Variants in NSD3 observed in about 807,000 individuals in gnomAD.
NSD3 encodes the protein histone-lysine N-methyltransferase NSD3.
Under a neutral mutation model 160.8 loss-of-function variants are expected in NSD3, and 24 were observed. The ratio of observed to expected loss-of-function variants is 0.15; its 90% CI spans 0.11 to 0.21. The LOEUF (loss-of-function observed/expected upper bound fraction) is 0.21, where lower values mean the gene tolerates loss of function less well. NSD3 is among the 10% of genes least tolerant of loss of function. The pLI, the probability that NSD3 is intolerant of heterozygous loss-of-function variation, is 1.00. For synonymous variants in NSD3, 520 were observed against 600.0 expected (o/e 0.87, Z 1.95); for missense variants, 1,157 against 1,735.9 (o/e 0.67, Z 5.93).
intron 16 of NSD3, among the ~76,000 whole-genome samples, chr8:38,294,873 G>T (rs1467965775): frequency 6.6e-6 from 1 of 151,584 alleles, no homozygotes; most frequent in East Asian, 1.9e-4. Flanking sequence ...GCCGGGCGTG[G>T]TGGCTCACAC....
At position 38,329,547 on chromosome 8, in the gene NSD3, T is replaced by G; in HGVS notation, c.1412A>C (p.Lys471Thr). 1 of 1,614,250 alleles carries G rather than the reference T, an allele frequency of 6.2e-7. No individual in the cohort carries two copies. Among genetic ancestry groups the G allele is most frequent in the Non-Finnish European group, 8.5e-7 (1 of 1,180,050 alleles). The change falls in exon 6 of 24, where the codon AAA becomes ACA. Residue 471 changes from lysine to threonine, a missense_variant. By Grantham distance (78) the Lys-to-Thr change is moderately conservative. This residue lies in a region of NSD3 where 168 missense variants were observed against 208.1 expected (regional missense o/e 0.81). Transcript: ENST00000317025. The surrounding 1 kb of genome is among the most constrained non-coding windows in gnomAD (Gnocchi z 4.8). ...EEPPPVKIAW[K>T]TAAARKSLPA... ...TAAGGATTTCCTTGCTGCCGCAGTTTTCCAGGCTATTTTAACAGGCGGTGG... is the reference window on the plus strand; with the variant it reads ...TAAGGATTTCCTTGCTGCCGCAGTTGTCCAGGCTATTTTAACAGGCGGTGG...
chr8:38,316,961 C>T lies in NSD3; in HGVS notation c.1856-919G>A. 9.4e-7 allele frequency: 1 copy of T among 1,060,796 alleles called. No homozygotes were observed. Among genetic ancestry groups the T allele is most frequent in the Non-Finnish European group, 1.1e-6 (1 of 876,370 alleles). 65.7% of individuals were successfully genotyped at this position (1,060,796 alleles called of 1,614,324 possible). A position where few individuals can be genotyped will look rare whatever the true frequency, so the allele number is the denominator to read the frequency against. ...TCAGGCACGGTGAATACCAAGGAAC[C>T]AAGGAGACGGTTAATATTTCAACCC... On this transcript the variant is annotated intron_variant, in intron 9 of 23. Coordinates refer to ENST00000317025, the MANE Select transcript of NSD3 (RefSeq NM_023034.2). The surrounding 1 kb of genome is among the most constrained non-coding windows in gnomAD (Gnocchi z 4.5).
intron 7 of NSD3, among the ~76,000 whole-genome samples, chr8:38,322,743 G>T (rs1246983321): frequency 6.6e-6 from 1 of 152,190 alleles, no homozygotes; most frequent in Non-Finnish European, 1.5e-5. Flanking sequence ...TTGAAATCTA[G>T]TGTGAATACA....
chr8:38,336,627 G>A (rs979842904), intron 4 of NSD3, among the ~76,000 whole-genome samples: 13 of 152,078 alleles, frequency 8.5e-5, no homozygotes, highest in South Asian at 2.1e-4. Flanking sequence ...AAGGCTTGGC[G>A]CAAATGCTTA....
chr8:38,338,047 A>G (rs2150379076), intron 3 of NSD3, among the ~76,000 whole-genome samples: 1 of 152,308 alleles, frequency 6.6e-6, no homozygotes, highest in South Asian at 2.1e-4. Context: ...CACGCCTGTA[A>G]TCCCAGCACT....
intron 18 of NSD3, 140 bp downstream of exon 18, chr8:38,289,253 T>C: frequency 1.3e-6 from 1 of 762,496 alleles, no homozygotes; most frequent in Non-Finnish European, 2.1e-6. Flanking sequence ...TAGCAAAAGT[T>C]TGCACAAGTC....
chr8:38,312,489 T>G (rs945987237), intron 12 of NSD3, among the ~76,000 whole-genome samples: 1 of 152,202 alleles, frequency 6.6e-6, no homozygotes, highest in African/African-American at 2.4e-5. Context: ...CTTGATATAC[T>G]TTGGATATTT....
chr8:38,341,475 T>C (rs1398407810), intron 2 of NSD3, among the ~76,000 whole-genome samples: 1 of 151,028 alleles, frequency 6.6e-6, no homozygotes, highest in Non-Finnish European at 1.5e-5. Flanking sequence ...GAGGCAGAGG[T>C]TGCACTGAGC....
chr8:38,336,516 G>GA (rs890571408), intron 4 of NSD3, among the ~76,000 whole-genome samples: 6 of 151,854 alleles, frequency 4.0e-5, no homozygotes, highest in South Asian at 2.1e-4. Flanking sequence ...GAGTGTAGAG[G>GA]AAAAAAAAGC....
chr8:38,372,697 T>G (rs1288464272), intron 1 of NSD3, among the ~76,000 whole-genome samples: 1 of 150,222 alleles, frequency 6.7e-6, no homozygotes, highest in Non-Finnish European at 1.5e-5. Context: ...GGTTTCGCCA[T>G]GTTGGCCAGG....
chr8:38,359,105 C>G (rs748359182), intron 1 of NSD3, among the ~76,000 whole-genome samples: 69 of 152,108 alleles, frequency 4.5e-4, no homozygotes, highest in Non-Finnish European at 9.3e-4. Flanking sequence ...AATATATGAT[C>G]AGAGTAACCC....
At chr8:38,366,179 C>A (rs16887340) in intron 1 of NSD3, among the ~76,000 whole-genome samples, 3 of 149,842 alleles carry the variant, frequency 2.0e-5, no homozygotes, top group Non-Finnish European at 4.4e-5. Flanking sequence ...TTTTGTTGGT[C>A]GGCAATCTAT....
At chr8:38,362,369 A>AT (rs1810995135) in intron 1 of NSD3, among the ~76,000 whole-genome samples, 1 of 145,554 alleles carries the variant, frequency 6.9e-6, no homozygotes, top group Non-Finnish European at 1.5e-5. Flanking sequence ...AATGGCATGG[A>AT]TTTTGAACTG....
chr8:38,279,760 G>A (rs1260044470), intron 20 of NSD3, 79 bp from the exon 21 acceptor site: 1 of 1,486,170 alleles, frequency 6.7e-7, no homozygotes, highest in African/African-American at 1.4e-5. Context: ...AGGATCACAG[G>A]CAGCAGCATT....
chr8:38,361,797 G>GTCCTGGA (rs1157812449), intron 1 of NSD3, among the ~76,000 whole-genome samples: 1 of 148,596 alleles, frequency 6.7e-6, no homozygotes, highest in African/African-American at 2.5e-5. Flanking sequence ...AGGGACAAGT[G>GTCCTGGA]TCCTGGATGA....
rs560770048 is a variant in NSD3 at position 38,318,745 on chromosome 8, C to T, written c.1855+150G>A. On this transcript the variant is annotated intron_variant, in intron 9 of 23. Transcript: ENST00000317025. The surrounding 1 kb of genome is among the most constrained non-coding windows in gnomAD (Gnocchi z 5.3). ...AATAAGATCAACTCTAAAAGTCACA[C>T]ACACACACGAACACTGGGGAATACT... 31 of 705,646 alleles carry T rather than the reference C, an allele frequency of 4.4e-5. No homozygotes were observed. In the South Asian group the frequency reaches 5.2e-4, roughly 12 times the overall value. 43.7% of individuals were successfully genotyped at this position (705,646 alleles called of 1,614,324 possible). A position where few individuals can be genotyped will look rare whatever the true frequency, so the allele number is the denominator to read the frequency against.
chr8:38,321,207 A>C lies in NSD3; in HGVS notation c.1709-35T>G. The C allele has an allele frequency of 6.4e-7, 1 of 1,552,056 alleles. No homozygotes were observed. Among genetic ancestry groups the C allele is most frequent in the Non-Finnish European group, 8.8e-7 (1 of 1,135,508 alleles). On this transcript the variant is annotated intron_variant, in intron 7 of 23. Coordinates refer to ENST00000317025, the MANE Select transcript of NSD3 (RefSeq NM_023034.2). This position sits in a 1 kb window ranked among gnomAD's most constrained non-coding sequence, Gnocchi z 4.7. ...GATTTAAACACACAAACAAAAACTC[A>C]CTTAAGGATACCTTGACATCTATGT...
At chr8:38,295,644 C>T in intron 16 of NSD3, 152 bp downstream of exon 16, 1 of 706,250 alleles carries the variant, frequency 1.4e-6, no homozygotes. Context: ...CCTTAAGAAC[C>T]CAGCCTCAAA....
intron 11 of NSD3, 148 bp from the exon 12 acceptor site, chr8:38,314,921 A>G (rs1809622063): frequency 2.7e-6 from 2 of 737,990 alleles, no homozygotes; most frequent in Non-Finnish European, 4.4e-6. Context: ...TGCATTTCTA[A>G]TATGTATCCA....
Sources: allele counts gnomAD v4.1 joint callset (sites outside exome capture counted in the v4.1 genomes callset), GRCh38; gene constraint gnomAD v4.1.1; regional missense constraint gnomAD v4.1.1; non-coding constraint Gnocchi (gnomAD v3.1); transcripts MANE v1.5; gene names NCBI Gene and HGNC (gene_info 2026-07-23, HGNC 2026-07-21).